Variants in DPP6 observed in about 807,000 individuals in gnomAD.
DPP6 encodes dipeptidyl peptidase like 6.
A neutral mutation model predicts 122.6 loss-of-function variants in DPP6; 69 were observed. That is an observed-to-expected ratio of 0.56 (90% CI 0.46 to 0.69). The LOEUF is 0.69. Among genes scored for constraint, DPP6 ranks in the 30% least tolerant of loss-of-function variants. The pLI is 0.00. For missense variants in DPP6, 928 were observed against 1,116.9 expected (o/e 0.83, Z 2.41); for synonymous variants, 418 against 433.1 (o/e 0.97, Z 0.43).
chr7:153,987,234 G>A (rs1408151837), intron 1 of DPP6, among the ~76,000 whole-genome samples: 1 of 152,150 alleles, frequency 6.6e-6, no homozygotes, highest in East Asian at 1.9e-4. Flanking sequence ...ATATAAATTG[G>A]TGTCATTGTT....
At chr7:154,280,299 C>T (rs1458692024) in intron 1 of DPP6, among the ~76,000 whole-genome samples, 6 of 152,136 alleles carry the variant, frequency 3.9e-5, no homozygotes, top group African/African-American at 1.4e-4. Context: ...GAGGTAGGTG[C>T]TCAGGAAGTG....
chr7:154,174,101 T>C (rs990759564), intron 1 of DPP6, among the ~76,000 whole-genome samples: 16 of 152,272 alleles, frequency 1.1e-4, no homozygotes, highest in Admixed American at 2.6e-4. Flanking sequence ...TATTTACAGT[T>C]TCCTTTGGGT....
chr7:154,087,427 G>C (rs1489893854), intron 1 of DPP6, among the ~76,000 whole-genome samples: 1 of 152,214 alleles, frequency 6.6e-6, no homozygotes, highest in Non-Finnish European at 1.5e-5. Context: ...GCTGAAGAAG[G>C]ACTGAATATG....
chr7:154,690,151 C>T (rs992111269), intron 7 of DPP6, among the ~76,000 whole-genome samples: 2 of 152,140 alleles, frequency 1.3e-5, no homozygotes, highest in African/African-American at 4.8e-5. Context: ...ATGGGATATA[C>T]ATTTTACTAA....
intron 1 of DPP6, among the ~76,000 whole-genome samples, chr7:154,219,388 G>A (rs1800178368): frequency 6.6e-6 from 1 of 152,122 alleles, no homozygotes; most frequent in Admixed American, 6.5e-5. Flanking sequence ...CATCATCATG[G>A]TTCTCTACTC....
chr7:154,250,634 T>C (rs1802294939), intron 1 of DPP6, among the ~76,000 whole-genome samples: 1 of 152,214 alleles, frequency 6.6e-6, no homozygotes, highest in African/African-American at 2.4e-5. Context: ...GACAGCTTTA[T>C]TTAATGGAAA....
At chr7:153,878,920 T>A in the DPP6 span, among the ~76,000 whole-genome samples, 1 of 147,780 alleles carries the variant, frequency 6.8e-6, no homozygotes, top group East Asian at 2.0e-4. Flanking sequence ...AGTACAGAGG[T>A]AAAGAAATAA....
At chr7:154,303,703 G>T (rs1369858677) in intron 1 of DPP6, among the ~76,000 whole-genome samples, 1 of 152,118 alleles carries the variant, frequency 6.6e-6, no homozygotes, top group Admixed American at 6.5e-5. Context: ...TTTCACACGG[G>T]GTTTTCATTT....
chr7:154,361,233 A>G (rs1439665853), intron 1 of DPP6, among the ~76,000 whole-genome samples: 1 of 152,182 alleles, frequency 6.6e-6, no homozygotes, highest in African/African-American at 2.4e-5. Context: ...TGTCACTGCA[A>G]GATTGATTTC....
intron 3 of DPP6, among the ~76,000 whole-genome samples, chr7:154,504,444 G>C (rs1457906909): frequency 6.6e-6 from 1 of 152,156 alleles, no homozygotes; most frequent in Non-Finnish European, 1.5e-5. Flanking sequence ...TGTGACGTAT[G>C]ATCATTTGAG....
chr7:153,859,649 G>A, the DPP6 span, among the ~76,000 whole-genome samples: 1 of 152,212 alleles, frequency 6.6e-6, no homozygotes, highest in Non-Finnish European at 1.5e-5. Flanking sequence ...CTGTGGCTAA[G>A]TGTATTATTC....
intron 6 of DPP6, among the ~76,000 whole-genome samples, chr7:154,663,863 C>G (rs1206792541): frequency 1.8e-5 from 2 of 112,200 alleles, no homozygotes; most frequent in Non-Finnish European, 4.3e-5. Context: ...GGTGAATCAC[C>G]ATGGCGTATT....
chr7:154,828,007 G>A (rs1221771845), intron 16 of DPP6, among the ~76,000 whole-genome samples: 1 of 152,184 alleles, frequency 6.6e-6, no homozygotes, highest in Admixed American at 6.5e-5. Context: ...TGGAACTGGG[G>A]GGAGTGGAGT....
At chr7:154,168,624 T>C (rs1329229106) in intron 1 of DPP6, among the ~76,000 whole-genome samples, 2 of 152,194 alleles carry the variant, frequency 1.3e-5, no homozygotes, top group Non-Finnish European at 2.9e-5. Context: ...AGTGGCTCCA[T>C]ATGGGCCTCT....
chr7:154,148,051 G>T (rs1321868617), intron 1 of DPP6, among the ~76,000 whole-genome samples: 20 of 149,890 alleles, frequency 1.3e-4, no homozygotes, highest in Middle Eastern at 3.4e-3. Flanking sequence ...AATTTTAGGA[G>T]CCAGAGCGGA....
intron 5 of DPP6, among the ~76,000 whole-genome samples, chr7:154,582,904 C>CG (rs990553942): frequency 6.6e-6 from 1 of 152,132 alleles, no homozygotes; most frequent in Non-Finnish European, 1.5e-5. Context: ...GTTATACCCC[C>CG]GGGGGAAGGT....
chr7:154,582,727 C>T (rs150911566), intron 5 of DPP6, among the ~76,000 whole-genome samples: 1 of 151,976 alleles, frequency 6.6e-6, no homozygotes, highest in East Asian at 1.9e-4. Context: ...TACCCATGTC[C>T]TCCTCTGGTT....
chr7:153,908,302 G>A (rs1799936762), intron 1 of DPP6, among the ~76,000 whole-genome samples: 1 of 152,054 alleles, frequency 6.6e-6, no homozygotes. Context: ...ATCCCACAGA[G>A]GATGAAACAA....
chr7:153,824,187 G>A, the DPP6 span, among the ~76,000 whole-genome samples: 15 of 152,128 alleles, frequency 9.9e-5, no homozygotes, highest in East Asian at 3.9e-4. Context: ...ACAGGAGTTC[G>A]AGACCAGCCT....
Sources: gnomAD v4.1 joint callset for allele counts (sites outside exome capture counted in the v4.1 genomes callset) on GRCh38, gnomAD v4.1.1 for gene constraint, MANE v1.5 for transcripts, NCBI Gene and HGNC (gene_info 2026-07-23, HGNC 2026-07-21) for gene names.